The following SLC2A2 variants were observed in gnomAD, a reference collection of about 807,000 sequenced individuals.
SLC2A2 encodes solute carrier family 2, facilitated glucose transporter member 2.
Under a neutral mutation model 54.5 loss-of-function variants are expected in SLC2A2, and 36 were observed. That is an observed-to-expected ratio of 0.66 (90% CI 0.51 to 0.87). The LOEUF (loss-of-function observed/expected upper bound fraction) is 0.87, where lower values mean the gene tolerates loss of function less well. Among genes scored for constraint, SLC2A2 ranks in the 40% least tolerant of loss-of-function variants. SLC2A2 has a pLI of 0.00. For missense variants in SLC2A2, 543 were observed against 624.3 expected (o/e 0.87, Z 1.39); for synonymous variants, 223 against 219.1 (o/e 1.02, Z -0.16).
rs1323593307 is a variant in SLC2A2 at position 171,007,144 on chromosome 3, T to C, written c.612+4A>G. On this transcript the variant is annotated splice_donor_region_variant and intron_variant, in intron 5 of 10. Transcript: ENST00000314251. ...AGTAGGGGATAAGGATGGGGAGTTT[T>C]TACCTGACTAATAAGAATGCCCGTG... The C allele has an allele frequency of 6.3e-7, 1 of 1,583,974 alleles. No individual in the cohort carries two copies.
intron 1 of SLC2A2, among the ~76,000 whole-genome samples, chr3:171,024,215 G>A (rs1234256762): frequency 6.6e-6 from 1 of 152,082 alleles, no homozygotes; most frequent in Non-Finnish European, 1.5e-5. Context: ...CAGTAAAAGG[G>A]CTACAGAACA....
rs1301574982 is a variant in SLC2A2, at chr3:170,997,392, T to C, written c.*511A>G. ...AACAAAAGTAAAATTTTAAGCAAAA[T>C]ACAAATTCTAGTACTCAAGAAAAAA... On this transcript the variant is annotated 3_prime_UTR_variant, in exon 11 of 11. Transcript: ENST00000314251. 6.4e-6 allele frequency: 1 copy of C among 155,676 alleles called. No homozygotes were observed. The highest frequency in any genetic ancestry group is 1.4e-5 in the Non-Finnish European group (1 of 70,638). 9.6% of individuals were successfully genotyped at this position (155,676 alleles called of 1,614,324 possible).
chr3:171,008,922 T>C (rs1715743502), intron 4 of SLC2A2, among the ~76,000 whole-genome samples: 1 of 152,070 alleles, frequency 6.6e-6, no homozygotes, highest in South Asian at 2.1e-4. Context: ...ACTGTTAACT[T>C]GATATTTTAG....
chr3:171,014,583 G>A lies in SLC2A2; in HGVS notation c.257C>T (p.Thr86Ile), dbSNP rs766762468. 6.2e-7 allele frequency: 1 copy of A among 1,614,166 alleles called. No individual in the cohort carries two copies. Among genetic ancestry groups the A allele is most frequent in the South Asian group, 1.1e-5 (1 of 91,078 alleles). The change falls in exon 3 of 11, where the codon ACT becomes ATT. Residue 86 changes from threonine to isoleucine, a missense_variant. Thr to Ile is a moderately conservative substitution (Grantham distance 89, BLOSUM62 -1). Transcript: ENST00000314251. ...GGTGATTAGTTGAGCAGCTGCCACA[G>A]TCTCTTCCTCAGCCCAAGGGGTTGG... is the stretch of plus-strand genomic sequence containing the variant. ...PKPTPWAEEETVAAAQLITML... is the reference protein window; with the variant it reads ...PKPTPWAEEEIVAAAQLITML...
chr3:171,005,934 C>T lies in SLC2A2; in HGVS notation c.775+9G>A, dbSNP rs1397783849. ...AATAGGAAGAAAGAAAAACCATCCA[C>T]AGACTTACTTTGTTTTGCTTTGACT... is the stretch of plus-strand genomic sequence containing the variant. On this transcript the variant is annotated intron_variant, in intron 6 of 10. Coordinates refer to ENST00000314251, the MANE Select transcript of SLC2A2 (RefSeq NM_000340.2). 6.2e-7 allele frequency: 1 copy of T among 1,611,196 alleles called. No homozygotes were observed. Among genetic ancestry groups the T allele is most frequent in the East Asian group, 2.2e-5 (1 of 44,812 alleles).
intron 1 of SLC2A2, among the ~76,000 whole-genome samples, chr3:171,019,101 A>ATATATATGTGTGTGTGTG (rs1716315226): frequency 6.5e-5 from 4 of 61,352 alleles, no homozygotes; most frequent in Admixed American, 5.7e-4. Context: ...GTGTGTGTAT[A>ATATATATGTGTGTGTGTG]TATATATATA....
chr3:171,021,411 C>A (rs140609703), intron 1 of SLC2A2, among the ~76,000 whole-genome samples: 1 of 152,360 alleles, frequency 6.6e-6, no homozygotes, highest in African/African-American at 2.4e-5. Flanking sequence ...TGGATTATCT[C>A]ATTTACTTCT....
intron 6 of SLC2A2, 47 bp downstream of exon 6, chr3:171,005,896 A>C: frequency 6.4e-7 from 1 of 1,564,422 alleles, no homozygotes; most frequent in Non-Finnish European, 8.8e-7. Context: ...ACATTAGCTG[A>C]TAATGCCAAA....
chr3:171,021,056 A>G (rs919314974), intron 1 of SLC2A2, among the ~76,000 whole-genome samples: 1 of 152,146 alleles, frequency 6.6e-6, no homozygotes, highest in African/African-American at 2.4e-5. Context: ...TATATGGTCT[A>G]TGTGAGTATG....
rs1310460678 is a variant in SLC2A2 at position 171,005,843 on chromosome 3, T to G, written c.775+100A>C. ...CATATAAAAGCGATTTTGCACATTC[T>G]TCTTACATTTAATCACCAACTTCAT... On this transcript the variant is annotated intron_variant, in intron 6 of 10. Transcript: ENST00000314251. 8.9e-6 allele frequency: 11 copies of G among 1,232,390 alleles called. No individual in the cohort carries two copies. In the Admixed American group the frequency reaches 1.7e-4, roughly 19 times the overall value. 76.3% of individuals were successfully genotyped at this position (1,232,390 alleles called of 1,614,324 possible).
rs1715187187 is a variant in SLC2A2 at position 170,998,259 on chromosome 3, T to C, written c.1308A>G (p.Leu436=). The change falls in exon 10 of 11, where the codon TTA becomes TTG. Residue 436 remains leucine (L), a synonymous_variant. Coordinates refer to ENST00000314251, the MANE Select transcript of SLC2A2 (RefSeq NM_000340.2). ...FFSQGPRPAA[L]AIAAFSNWTC... is the part of the protein sequence containing the mutation. ...TCCAATTGCTGAATGCAGCTATTGC[T>C]AAAGCAGCAGGACGTGGTCCTTGAC... 1 of 1,613,830 alleles carries C rather than the reference T, an allele frequency of 6.2e-7. No homozygotes were observed. The highest frequency in any genetic ancestry group is 1.1e-5 in the South Asian group (1 of 91,086).
chr3:171,019,124 CGTATGTATAT>C (rs1716325619), intron 1 of SLC2A2, among the ~76,000 whole-genome samples: 1 of 5,612 alleles, frequency 1.8e-4, no homozygotes, highest in African/African-American at 7.5e-4. Context: ...TATATATATA[CGTATGTATAT>C]ATATATATAT....
chr3:171,012,874 A>T (rs1012324776), intron 3 of SLC2A2, among the ~76,000 whole-genome samples: 4 of 152,182 alleles, frequency 2.6e-5, no homozygotes, highest in Non-Finnish European at 5.9e-5. Flanking sequence ...ATACGTGGTC[A>T]TTTGACATTG....
chr3:171,017,942 T>TAA (rs1305362494), intron 2 of SLC2A2, among the ~76,000 whole-genome samples: 2 of 152,180 alleles, frequency 1.3e-5, no homozygotes, highest in African/African-American at 2.4e-5. Context: ...TATTCTAAAG[T>TAA]TTTACATTAT....
chr3:171,023,519 A>G (rs368608091), intron 1 of SLC2A2, among the ~76,000 whole-genome samples: 2 of 152,254 alleles, frequency 1.3e-5, no homozygotes, highest in East Asian at 3.9e-4. Context: ...TCTAAGGGGA[A>G]ATTTCTGAAC....
intron 3 of SLC2A2, among the ~76,000 whole-genome samples, chr3:171,013,989 T>C (rs1329539034): frequency 6.6e-6 from 1 of 152,126 alleles, no homozygotes; most frequent in Admixed American, 6.6e-5. Context: ...AACAAATACA[T>C]TGGGCAATTG....
At chr3:171,008,312 G>A (rs1715708335) in intron 4 of SLC2A2, among the ~76,000 whole-genome samples, 2 of 152,030 alleles carry the variant, frequency 1.3e-5, no homozygotes. Flanking sequence ...AATTTTACAG[G>A]TGACTTTTAA....
chr3:170,998,385 A>G lies in SLC2A2; in HGVS notation c.1182T>C (p.Ser394=). The G allele has an allele frequency of 6.2e-7, 1 of 1,613,526 alleles. No individual in the cohort carries two copies. The change falls in exon 10 of 11, where the codon TCT becomes TCC. Residue 394 remains serine (S), a synonymous_variant. Coordinates refer to ENST00000314251, the MANE Select transcript of SLC2A2 (RefSeq NM_000340.2). ...SVGLVLLNKF[S]WMSYVSMIAI... ...CTATCATGCTCACATAACTCATCCA[A>G]GAGAACTTATTCTGAGGAAAAAAAC...
At chr3:171,012,968 T>A (rs1162068662) in intron 3 of SLC2A2, among the ~76,000 whole-genome samples, 4 of 152,180 alleles carry the variant, frequency 2.6e-5, no homozygotes, top group Non-Finnish European at 5.9e-5. Context: ...TAATTAAATG[T>A]TAACACTAAT....
Sources: gnomAD v4.1 joint callset for allele counts (sites outside exome capture counted in the v4.1 genomes callset) on GRCh38, gnomAD v4.1.1 for gene constraint, MANE v1.5 for transcripts, NCBI Gene and HGNC (gene_info 2026-07-23, HGNC 2026-07-21) for gene names.